Variants in TUBGCP2 observed in about 807,000 individuals in gnomAD.
TUBGCP2 encodes the protein tubulin gamma complex component 2, also known as gamma-tubulin complex component 2.
TUBGCP2 carries 55 observed loss-of-function variants against 92.2 expected under a neutral mutation model. The ratio of observed to expected loss-of-function variants is 0.60; its 90% CI spans 0.48 to 0.75. The LOEUF (loss-of-function observed/expected upper bound fraction) is 0.75. Ranked by LOEUF, TUBGCP2 falls within the 30% of genes least tolerant of loss-of-function variation. The pLI is 0.00. For synonymous variants in TUBGCP2, 533 were observed against 505.2 expected (o/e 1.06, Z -0.74); for missense variants, 1,093 against 1,188.9 (o/e 0.92, Z 1.19).
At chr10:133,280,782 C>T (rs1006201537) in intron 17 of TUBGCP2, among the ~76,000 whole-genome samples, 5 of 151,232 alleles carry the variant, frequency 3.3e-5, no homozygotes, top group African/African-American at 9.7e-5. Context: ...GCTGGGGTGG[C>T]GCTGGGCTGG....
At chr10:133,284,873 G>C (rs951205544) in intron 13 of TUBGCP2, among the ~76,000 whole-genome samples, 1 of 152,228 alleles carries the variant, frequency 6.6e-6, no homozygotes, top group Non-Finnish European at 1.5e-5. Context: ...CATCCCCTGT[G>C]GGGTGGACGG....
intron 2 of TUBGCP2, 133 bp from the exon 3 acceptor site, chr10:133,300,246 T>C (rs1589834897): frequency 9.2e-7 from 1 of 1,089,252 alleles, no homozygotes; most frequent in Admixed American, 2.7e-5. Context: ...CCCTCTGAAA[T>C]AAACTAACAA....
At position 133,285,323 on chromosome 10, in the gene TUBGCP2, C is replaced by T; in HGVS notation, c.1896-110G>A. 6.3e-7 allele frequency: 1 copy of T among 1,590,296 alleles called. No individual in the cohort carries two copies. Among genetic ancestry groups the T allele is most frequent in the African/African-American group, 1.3e-5 (1 of 74,806 alleles). The stretch of plus-strand genomic sequence containing the variant: ...CGTGGCCCCCGGACAGCCCGTGAAT[C>T]TCTCGGACACTGAAGGCCGGGGAGA... On this transcript the variant is annotated intron_variant, in intron 12 of 17. Transcript: ENST00000252936. The surrounding 1 kb of genome is among the most constrained non-coding windows in gnomAD (Gnocchi z 6.8).
In TUBGCP2 at chr10:133,279,327, C is replaced by T. The variant is rs1252241980; in HGVS notation, c.*439G>A. The T allele has an allele frequency of 2.2e-4, 37 of 168,040 alleles. No individual in the cohort carries two copies. The highest frequency in any genetic ancestry group is 1.4e-4 in the Non-Finnish European group (11 of 77,972). The allele number at this position is 168,040 out of a possible 1,614,324, so 10.4% of individuals were successfully genotyped here. Reference sequence around the variant, plus strand: ...CTGGGGCCAAAGCAAACCCGACACCCGATGCCCGGTGGGTTTCCACAACTC... The same window carrying T: ...CTGGGGCCAAAGCAAACCCGACACCTGATGCCCGGTGGGTTTCCACAACTC... On this transcript the variant is annotated 3_prime_UTR_variant, in exon 18 of 18. Coordinates refer to ENST00000252936, the MANE Select transcript of TUBGCP2 (RefSeq NM_006659.4).
chr10:133,286,143 G>A (rs150456999), intron 11 of TUBGCP2, among the ~76,000 whole-genome samples: 1,838 of 152,198 alleles, frequency 0.012, 13 homozygotes, highest in South Asian at 0.021. Context: ...GATAAAGCAA[G>A]AAGAAACAAG....
intron 17 of TUBGCP2, 23 bp from the exon 18 acceptor site, chr10:133,279,924 T>C (rs1245504360): frequency 1.2e-6 from 2 of 1,606,070 alleles, no homozygotes; most frequent in Non-Finnish European, 8.5e-7. Context: ...ACAGTGGAGC[T>C]GGGGTGCACA....
At chr10:133,306,517 G>T (rs1216666243) in intron 1 of TUBGCP2, among the ~76,000 whole-genome samples, 7 of 152,310 alleles carry the variant, frequency 4.6e-5, no homozygotes, top group African/African-American at 1.7e-4. Context: ...GCTGGGCACG[G>T]TGGCTCACGC....
At position 133,285,138 on chromosome 10, in the gene TUBGCP2, GCTGCAGAGCTGCCGCTC is replaced by G. The variant is rs1465612818; in HGVS notation, c.1954_1970del (p.Glu652ArgfsTer43). On this transcript the variant is annotated frameshift_variant, in exon 13 of 18. Transcript: ENST00000252936. LOFTEE classifies it high-confidence loss of function. The surrounding 1 kb of genome is among the most constrained non-coding windows in gnomAD (Gnocchi z 6.8). ...TGGCGGTTTTGTTGCTGATCCAGAC[GCTGCAGAGCTGCCGCTC>G]CACGTGCTTGCAGTAGAACATGTGC... 1.1e-5 allele frequency: 18 copies of G among 1,612,776 alleles called. No individual in the cohort carries two copies. Among genetic ancestry groups the G allele is most frequent in the Non-Finnish European group, 1.4e-5 (17 of 1,179,526 alleles).
intron 8 of TUBGCP2, chr10:133,290,319 C>G (rs908715318): frequency 9.8e-6 from 2 of 204,242 alleles, no homozygotes; most frequent in African/African-American, 4.5e-5. Context: ...ACAGTGAAAC[C>G]CCGTCTCTAC....
In TUBGCP2 at chr10:133,285,255, C is replaced by G; in HGVS notation, c.1896-42G>C. 6.2e-7 allele frequency: 1 copy of G among 1,607,700 alleles called. No homozygotes were observed. On this transcript the variant is annotated intron_variant, in intron 12 of 17. Coordinates refer to ENST00000252936, the MANE Select transcript of TUBGCP2 (RefSeq NM_006659.4). The surrounding 1 kb of genome is among the most constrained non-coding windows in gnomAD (Gnocchi z 6.8). ...GGCACCTCAGGTGGGCCTCCGTGACCGGCGGCGTCGTGGACACGGCGTCTG... is the reference window on the plus strand; with the variant it reads ...GGCACCTCAGGTGGGCCTCCGTGACGGGCGGCGTCGTGGACACGGCGTCTG...
At chr10:133,292,792 G>A (rs1213127482) in intron 7 of TUBGCP2, 104 bp from the exon 8 acceptor site, 20 of 1,377,914 alleles carry the variant, frequency 1.5e-5, no homozygotes, top group Non-Finnish European at 1.9e-5. Context: ...TTCTTCCTGG[G>A]ACGGTGCTGC....
chr10:133,279,877 C>T lies in TUBGCP2; in HGVS notation c.2598G>A (p.Thr866=), dbSNP rs149661541. 2.9e-5 allele frequency: 47 copies of T among 1,609,008 alleles called. No homozygotes were observed. Among genetic ancestry groups the T allele is most frequent in the African/African-American group, 2.8e-4 (21 of 74,890 alleles). ...ISRLDFNGFY[T]ERLERLSAER... ...CTGCAGACAGGCGCTCCAGGCGCTC[C>T]GTGTAGAAACCATTGAAGTCAAGCC... The change falls in exon 18 of 18, where the codon ACG becomes ACA. Residue 866 remains threonine (T), a synonymous_variant. Transcript: ENST00000252936.
chr10:133,280,658 G>A (rs1846943735), intron 17 of TUBGCP2, among the ~76,000 whole-genome samples: 1 of 152,226 alleles, frequency 6.6e-6, no homozygotes, highest in South Asian at 2.1e-4. Context: ...AGTGGCATAT[G>A]ACCAGCACTA....
upstream of TUBGCP2, chr10:133,309,626 G>C: frequency 8.0e-7 from 1 of 1,244,570 alleles, no homozygotes; most frequent in Non-Finnish European, 1.1e-6. Context: ...CACCTAGCCT[G>C]TTTGTGAAAC....
chr10:133,289,708 G>A lies in TUBGCP2; in HGVS notation c.1360+116C>T, dbSNP rs1847225759. 3.0e-5 allele frequency: 40 copies of A among 1,319,766 alleles called. No individual in the cohort carries two copies. In the East Asian group the frequency reaches 1.0e-3, roughly 34 times the overall value. 81.8% of individuals were successfully genotyped at this position (1,319,766 alleles called of 1,614,324 possible). A position where few individuals can be genotyped will look rare whatever the true frequency, so the allele number is the denominator to read the frequency against. ...TCAGCCCCGCATTCACGGACACCAG[G>A]GCTCAGGGCAACCACAGGGTGAGGC... On this transcript the variant is annotated intron_variant, in intron 9 of 17. Transcript: ENST00000252936.
chr10:133,310,791 A>G (rs1014254253), upstream of TUBGCP2, among the ~76,000 whole-genome samples: 3 of 150,854 alleles, frequency 2.0e-5, no homozygotes, highest in African/African-American at 7.3e-5. Context: ...TCTGGGAAAT[A>G]CTTCCAGGAA....
intron 13 of TUBGCP2, 116 bp downstream of exon 13, chr10:133,284,969 T>C: frequency 6.9e-7 from 1 of 1,446,264 alleles, no homozygotes; most frequent in Non-Finnish European, 9.2e-7. Context: ...CAGATGACAC[T>C]TCCAGAAGCC....
upstream of TUBGCP2, chr10:133,310,195 A>T (rs905944140): frequency 6.2e-7 from 1 of 1,613,922 alleles, no homozygotes; most frequent in African/African-American, 1.3e-5. Flanking sequence ...TGCACAGAGA[A>T]GTTCAAGACC....
In TUBGCP2 at chr10:133,285,304, C is replaced by T. The variant is rs1208001649; in HGVS notation, c.1896-91G>A. ...TGTACTCCACAGTCCGCACCGTGGCCCCCGGACAGCCCGTGAATCTCTCGG... is the reference window on the plus strand; with the variant it reads ...TGTACTCCACAGTCCGCACCGTGGCTCCCGGACAGCCCGTGAATCTCTCGG... On this transcript the variant is annotated intron_variant, in intron 12 of 17. Coordinates refer to ENST00000252936, the MANE Select transcript of TUBGCP2 (RefSeq NM_006659.4). The surrounding 1 kb of genome is among the most constrained non-coding windows in gnomAD (Gnocchi z 6.8). The T allele has an allele frequency of 3.8e-6, 6 of 1,592,772 alleles. No homozygotes were observed. Among genetic ancestry groups the T allele is most frequent in the African/African-American group, 1.3e-5 (1 of 74,728 alleles).
Sources: allele counts gnomAD v4.1 joint callset (sites outside exome capture counted in the v4.1 genomes callset), GRCh38; gene constraint gnomAD v4.1.1; non-coding constraint Gnocchi (gnomAD v3.1); transcripts MANE v1.5; gene names NCBI Gene and HGNC (gene_info 2026-07-23, HGNC 2026-07-21).